Variants in ZNF462 observed in about 807,000 individuals in gnomAD.
ZNF462 encodes zinc finger protein 462.
ZNF462 carries 10 observed loss-of-function variants against 201.9 expected under a neutral mutation model. That is an observed-to-expected ratio of 0.05 (90% CI 0.03 to 0.08). ZNF462 has a LOEUF of 0.08. Among genes scored for constraint, ZNF462 ranks in the 10% least tolerant of loss-of-function variants. ZNF462 has a pLI of 1.00. For missense variants in ZNF462, 2,523 were observed against 3,168.3 expected (o/e 0.80, Z 4.89); for synonymous variants, 1,227 against 1,193.3 (o/e 1.03, Z -0.58).
At chr9:106,889,704 G>A (rs988540613) in intron 1 of ZNF462, among the ~76,000 whole-genome samples, 1 of 151,864 alleles carries the variant, frequency 6.6e-6, no homozygotes, top group Non-Finnish European at 1.5e-5. Flanking sequence ...CTAAATGTTG[G>A]CTCTACAGAA....
intron 7 of ZNF462, among the ~76,000 whole-genome samples, chr9:106,969,749 G>A (rs1199499099): frequency 6.6e-6 from 1 of 152,152 alleles, no homozygotes; most frequent in African/African-American, 2.4e-5. Flanking sequence ...ATTTGTTTTG[G>A]TCTCTGGGTG....
At chr9:106,910,317 C>A (rs1340627306) in intron 1 of ZNF462, among the ~76,000 whole-genome samples, 1 of 133,486 alleles carries the variant, frequency 7.5e-6, no homozygotes, top group African/African-American at 2.8e-5. Context: ...TTTCATGGGT[C>A]GTTTCCATGC....
chr9:106,929,698 A>G lies in ZNF462; in HGVS notation c.5786A>G (p.Lys1929Arg). The change falls in exon 3 of 13, where the codon AAA becomes AGA. Residue 1929 changes from lysine to arginine, a missense_variant. Coordinates refer to ENST00000277225, the MANE Select transcript of ZNF462 (RefSeq NM_021224.6). This position sits in a 1 kb window ranked among gnomAD's most constrained non-coding sequence, Gnocchi z 8.7. ...QKRAKRQERR[K>R]QLLSKQKYAD... Reference sequence around the variant, plus strand: ...CGTGCCAAACGTCAGGAGAGGAGGAAACAGCTTTTGAGCAAGCAGAAATAT... The same window carrying G: ...CGTGCCAAACGTCAGGAGAGGAGGAGACAGCTTTTGAGCAAGCAGAAATAT... 6.2e-7 allele frequency: 1 copy of G among 1,614,156 alleles called. No individual in the cohort carries two copies. Among genetic ancestry groups the G allele is most frequent in the Non-Finnish European group, 8.5e-7 (1 of 1,180,034 alleles).
At chr9:106,947,438 A>G (rs1051609381) in intron 7 of ZNF462, among the ~76,000 whole-genome samples, 2 of 152,142 alleles carry the variant, frequency 1.3e-5, no homozygotes, top group South Asian at 4.1e-4. Context: ...GGACCTTCTA[A>G]ACTCTTAACC....
In ZNF462 at chr9:106,935,771, A is replaced by C. The variant is rs929807486; in HGVS notation, c.6235+150A>C. ...TATTCAGTTTTATTTTTACCTAGTA[A>C]AGAAAAAATAAAGAAAAAAGTAAAA... is the stretch of plus-strand genomic sequence containing the variant. On this transcript the variant is annotated intron_variant, in intron 6 of 12. Coordinates refer to ENST00000277225, the MANE Select transcript of ZNF462 (RefSeq NM_021224.6). This position sits in a 1 kb window ranked among gnomAD's most constrained non-coding sequence, Gnocchi z 4.1. 1.4e-5 allele frequency: 8 copies of C among 576,416 alleles called. No individual in the cohort carries two copies. Among genetic ancestry groups the C allele is most frequent in the Non-Finnish European group, 2.3e-5 (8 of 354,628 alleles). 35.7% of individuals were successfully genotyped at this position (576,416 alleles called of 1,614,324 possible).
chr9:106,964,444 G>A (rs1831981667), intron 7 of ZNF462, among the ~76,000 whole-genome samples: 1 of 152,032 alleles, frequency 6.6e-6, no homozygotes, highest in African/African-American at 2.4e-5. Flanking sequence ...TTGTGATACA[G>A]GGTAAAGCCT....
rs1049939151 is a variant in ZNF462, at chr9:106,963,948, C to G, written c.6428-8057C>G. Among the ~76,000 whole-genome samples, 2 of 152,018 alleles carry G rather than the reference C, an allele frequency of 1.3e-5. No individual in the cohort carries two copies. The highest frequency in any genetic ancestry group is 4.1e-4 in the South Asian group (2 of 4,822). On this transcript the variant is annotated intron_variant, in intron 7 of 12. Coordinates refer to ENST00000277225, the MANE Select transcript of ZNF462 (RefSeq NM_021224.6). This position sits in a 1 kb window ranked among gnomAD's most constrained non-coding sequence, Gnocchi z 4.7. Reference sequence around the variant, plus strand: ...AAGTGGCATCGTGCAGTATTTGTCCCTCTGTGACTGGCTTTAGCATATAAC... The same window carrying G: ...AAGTGGCATCGTGCAGTATTTGTCCGTCTGTGACTGGCTTTAGCATATAAC...
upstream of ZNF462, among the ~76,000 whole-genome samples, chr9:106,860,840 A>G (rs1050997309): frequency 2.0e-5 from 3 of 151,960 alleles, no homozygotes; most frequent in African/African-American, 7.2e-5. This position sits in a 1 kb window ranked among gnomAD's most constrained non-coding sequence, Gnocchi z 7.1. Context: ...GGACTTCCCT[A>G]GGTCCCTCCG....
intron 9 of ZNF462, chr9:106,976,268 C>G (rs1042325756): frequency 6.6e-6 from 1 of 152,196 alleles, no homozygotes; most frequent in Non-Finnish European, 1.5e-5. Context: ...AGATTTCGCC[C>G]TGAGATTCCT....
In ZNF462 at chr9:106,923,615, C is replaced by T. The variant is rs1185927970; in HGVS notation, c.220+12C>T. ...AGAAGATTTATCAGGTAAATCTATA[C>T]TAAACTTGGCACGGCCGATGTATTT... On this transcript the variant is annotated intron_variant, in intron 2 of 12. Coordinates refer to ENST00000277225, the MANE Select transcript of ZNF462 (RefSeq NM_021224.6). This position sits in a 1 kb window ranked among gnomAD's most constrained non-coding sequence, Gnocchi z 5.6. 6.8e-6 allele frequency: 11 copies of T among 1,611,060 alleles called. No homozygotes were observed. Among genetic ancestry groups the T allele is most frequent in the Non-Finnish European group, 9.3e-6 (11 of 1,177,316 alleles).
intron 10 of ZNF462, among the ~76,000 whole-genome samples, chr9:106,990,415 G>A (rs536280406): frequency 6.6e-6 from 1 of 152,072 alleles, no homozygotes; most frequent in South Asian, 2.1e-4. Flanking sequence ...GGAATGTTCT[G>A]TATGTATCTG....
chr9:106,986,091 C>T (rs1183675947), intron 10 of ZNF462, among the ~76,000 whole-genome samples: 3 of 152,104 alleles, frequency 2.0e-5, no homozygotes, highest in African/African-American at 7.2e-5. Context: ...TTTAAGCCTC[C>T]GGGCTGATAT....
chr9:106,937,557 A>T (rs908054367), intron 6 of ZNF462, among the ~76,000 whole-genome samples: 1 of 152,294 alleles, frequency 6.6e-6, no homozygotes. Context: ...ATACATGTTC[A>T]TTAGAGAAAG....
At chr9:107,000,817 AG>A (rs1248532019) in intron 10 of ZNF462, among the ~76,000 whole-genome samples, 1 of 152,078 alleles carries the variant, frequency 6.6e-6, no homozygotes, top group Non-Finnish European at 1.5e-5. Context: ...ACCCAGAATG[AG>A]GGGGAAAAAA....
chr9:106,887,755 C>T (rs1287666605), intron 1 of ZNF462, among the ~76,000 whole-genome samples: 1 of 152,158 alleles, frequency 6.6e-6, no homozygotes, highest in Non-Finnish European at 1.5e-5. Flanking sequence ...TTGCAACATA[C>T]TAGAATCTCT....
At position 106,925,528 on chromosome 9, in the gene ZNF462, A is replaced by T. The variant is rs747360033; in HGVS notation, c.1616A>T (p.Gln539Leu). ...KSGVMLDPLQQQQPPQPPPPP... is the reference protein window; with the variant it reads ...KSGVMLDPLQLQQPPQPPPPP... ...GGAGTCATGTTGGATCCCTTGCAGC[A>T]GCAACAGCCACCGCAGCCACCACCA... Residue 539 changes from glutamine (Q) to leucine (L), a missense_variant, in exon 3 of 13, where the codon CAG (glutamine) becomes CTG (leucine). Physicochemically the swap from Gln to Leu is moderately radical, Grantham distance 113. Around this residue, in one of 15 missense-constraint regions of ZNF462, gnomAD observed 383 missense variants for 453.4 expected, o/e 0.84. Coordinates refer to ENST00000277225, the MANE Select transcript of ZNF462 (RefSeq NM_021224.6). This position sits in a 1 kb window ranked among gnomAD's most constrained non-coding sequence, Gnocchi z 7.9. 6.2e-7 allele frequency: 1 copy of T among 1,613,790 alleles called. No homozygotes were observed. The highest frequency in any genetic ancestry group is 1.1e-5 in the South Asian group (1 of 91,074).
At chr9:106,896,225 C>T (rs900774444) in intron 1 of ZNF462, among the ~76,000 whole-genome samples, 4 of 152,266 alleles carry the variant, frequency 2.6e-5, no homozygotes, top group Admixed American at 1.3e-4. Flanking sequence ...TTTTCTCTCA[C>T]GTCTAGAACC....
rs368326224 is a variant in ZNF462, at chr9:106,905,046, G to C, written c.-30-18308G>C. 6.6e-6 allele frequency among the ~76,000 whole-genome samples: 1 copy of C among 152,126 alleles called. No individual in the cohort carries two copies. The highest frequency in any genetic ancestry group is 1.9e-4 in the East Asian group (1 of 5,190). ...GGTTTTCTGGTTTCTTCTCATTTGG[G>C]TAGGCTCTGTCAGAGGGAAGGTCTA... On this transcript the variant is annotated intron_variant, in intron 1 of 12. Coordinates refer to ENST00000277225, the MANE Select transcript of ZNF462 (RefSeq NM_021224.6). This position sits in a 1 kb window ranked among gnomAD's most constrained non-coding sequence, Gnocchi z 5.9.
intron 8 of ZNF462, among the ~76,000 whole-genome samples, chr9:106,973,144 T>C (rs1401651487): frequency 6.6e-6 from 1 of 152,110 alleles, no homozygotes; most frequent in African/African-American, 2.4e-5. Context: ...CACTAATAAG[T>C]GTAATAATAT....
Sources: gnomAD v4.1 joint callset for allele counts (sites outside exome capture counted in the v4.1 genomes callset) on GRCh38, gnomAD v4.1.1 for gene constraint, gnomAD v4.1.1 regional missense constraint, Gnocchi (gnomAD v3.1) non-coding constraint, MANE v1.5 for transcripts, NCBI Gene and HGNC (gene_info 2026-07-23, HGNC 2026-07-21) for gene names.